The following PLA2G4F variants were observed in gnomAD, a reference collection of about 807,000 sequenced individuals.
PLA2G4F encodes phospholipase A2 group IVF, also known as cytosolic phospholipase A2 zeta.
Under a neutral mutation model 103.1 loss-of-function variants are expected in PLA2G4F, and 105 were observed. The observed-to-expected ratio is 1.02, with a 90% CI of 0.87 to 1.20. The LOEUF (loss-of-function observed/expected upper bound fraction) is 1.20. Ranked by LOEUF, PLA2G4F falls within the 50% of genes most tolerant of loss-of-function variation. The pLI is 0.00. For synonymous variants in PLA2G4F, 468 were observed against 441.1 expected (o/e 1.06, Z -0.76); for missense variants, 1,155 against 1,075.9 (o/e 1.07, Z -1.03).
chr15:42,153,622 C>T lies in PLA2G4F; in HGVS notation c.489G>A (p.Lys163=). The T allele has an allele frequency of 6.2e-7, 1 of 1,614,210 alleles. No homozygotes were observed. Among genetic ancestry groups the T allele is most frequent in the Non-Finnish European group, 8.5e-7 (1 of 1,180,028 alleles). The part of the protein sequence containing the change: ...QELQVEFVLE[K]SQVPASEVIT... ...GCGTTGGCTCTACCAGAACTCACCT[C>T]TTCTCCAGAACAAATTCCACCTGCA... Residue 163 remains lysine (K), a splice_region_variant and synonymous_variant, in exon 5 of 20, where the codon AAG becomes AAA. Transcript: ENST00000397272.
intron 2 of PLA2G4F, among the ~76,000 whole-genome samples, chr15:42,155,193 G>T (rs756174061): frequency 6.6e-6 from 1 of 150,456 alleles, no homozygotes. Context: ...ATACACACTC[G>T]CAGTCACATT....
rs1167069397 is a variant in PLA2G4F, at chr15:42,141,624, T to C, written c.*360A>G. On this transcript the variant is annotated 3_prime_UTR_variant, in exon 20 of 20. Coordinates refer to ENST00000397272, the MANE Select transcript of PLA2G4F (RefSeq NM_213600.4). ...TTCTCAGTGCCCTCAGCCCCTGTTC[T>C]GTGTGGGTCTGAGGACTTGGGCCCT... The C allele has an allele frequency of 2.3e-5, 11 of 479,856 alleles. No individual in the cohort carries two copies. Among genetic ancestry groups the C allele is most frequent in the African/African-American group, 3.9e-5 (2 of 51,030 alleles). 29.7% of individuals were successfully genotyped at this position (479,856 alleles called of 1,614,324 possible). A position where few individuals can be genotyped will look rare whatever the true frequency, so the allele number is the denominator to read the frequency against.
rs1345738142 is a variant in PLA2G4F at position 42,141,166 on chromosome 15, CG to C, written c.*817del. The C allele has an allele frequency of 2.2e-6, 1 of 450,226 alleles. No individual in the cohort carries two copies. The highest frequency in any genetic ancestry group is 4.5e-6 in the Non-Finnish European group (1 of 222,722). 27.9% of individuals were successfully genotyped at this position (450,226 alleles called of 1,614,324 possible). On this transcript the variant is annotated 3_prime_UTR_variant, in exon 20 of 20. Coordinates refer to ENST00000397272, the MANE Select transcript of PLA2G4F (RefSeq NM_213600.4). The stretch of plus-strand genomic sequence containing the variant: ...CACATACAGGTGCACACCTCTCCCC[CG>C]ATGAACTGATGCCCCTACTAGACAC...
intron 10 of PLA2G4F, 89 bp downstream of exon 10, chr15:42,150,014 CT>C: frequency 6.3e-7 from 1 of 1,584,376 alleles, no homozygotes. Context: ...ACGGCCTGAG[CT>C]TCTTGGGCAA....
Position 42,142,643 on chromosome 15 carries a change from C to T in PLA2G4F, c.2214G>A (p.Glu738=), listed in dbSNP as rs771995073. 2.5e-5 allele frequency: 41 copies of T among 1,613,992 alleles called. No homozygotes were observed. The highest frequency in any genetic ancestry group is 3.5e-5 in the Non-Finnish European group (41 of 1,180,010). The change falls in exon 19 of 20, where the codon GAG becomes GAA. Residue 738 remains glutamate (E), a synonymous_variant. Coordinates refer to ENST00000397272, the MANE Select transcript of PLA2G4F (RefSeq NM_213600.4). ...IPFPSIEVGP[E]DMEEARECYL... is the part of the protein sequence containing the mutation. ...AGCACTCACGGGCCTCCTCCATGTCCTCAGGGCCCACCTCGATGCTAGGGA... is the reference window on the plus strand; with the variant it reads ...AGCACTCACGGGCCTCCTCCATGTCTTCAGGGCCCACCTCGATGCTAGGGA...
Position 42,147,362 on chromosome 15 carries a change from G to A in PLA2G4F, c.1197-16C>T, listed in dbSNP as rs763351767. ...GGAGATGCACCTGGGGATTGGAGGT[G>A]TGCCTGAGTCAGGGGCAGGAGAGCA... On this transcript the variant is annotated splice_polypyrimidine_tract_variant and intron_variant, in intron 12 of 19. Coordinates refer to ENST00000397272, the MANE Select transcript of PLA2G4F (RefSeq NM_213600.4). 2 of 1,598,748 alleles carry A rather than the reference G, an allele frequency of 1.3e-6. No homozygotes were observed. Among genetic ancestry groups the A allele is most frequent in the Non-Finnish European group, 1.7e-6 (2 of 1,176,522 alleles).
chr15:42,152,703 G>A lies in PLA2G4F; in HGVS notation c.586C>T (p.Pro196Ser), dbSNP rs1229476184. Residue 196 changes from proline (P) to serine (S), a missense_variant, in exon 7 of 20, where the codon CCA (proline) becomes TCA (serine). By Grantham distance (74) the Pro-to-Ser change is moderately conservative. Coordinates refer to ENST00000397272, the MANE Select transcript of PLA2G4F (RefSeq NM_213600.4). ...GCAGACTCACCGTACTCTTCCCGTG[G>A]GGCTGTCCCATCTCCCCGGAGCGTG... ...QGTLRGDGTA[P>S]REEYGSRQLQ... 4 of 1,557,052 alleles carry A rather than the reference G, an allele frequency of 2.6e-6. No individual in the cohort carries two copies. Among genetic ancestry groups the A allele is most frequent in the Non-Finnish European group, 3.5e-6 (4 of 1,149,708 alleles).
Position 42,153,662 on chromosome 15 carries a change from T to C in PLA2G4F, c.451-2A>G, listed in dbSNP as rs150082965. 6.2e-7 allele frequency: 1 copy of C among 1,614,116 alleles called. No homozygotes were observed. Among genetic ancestry groups the C allele is most frequent in the Non-Finnish European group, 8.5e-7 (1 of 1,179,996 alleles). ...TTCCACCTGCAGCTCTTGTGAATCC[T>C]ACATGGAGGGGGAGGGAGCACCAAT... On this transcript the variant is annotated splice_acceptor_variant, in intron 4 of 19. Coordinates refer to ENST00000397272, the MANE Select transcript of PLA2G4F (RefSeq NM_213600.4). LOFTEE classifies it high-confidence loss of function.
At chr15:42,143,805 G>A (rs967842461) in intron 18 of PLA2G4F, among the ~76,000 whole-genome samples, 173 bp downstream of exon 18, 5 of 152,120 alleles carry the variant, frequency 3.3e-5, no homozygotes, top group African/African-American at 7.2e-5. Context: ...TGCCAACAGC[G>A]TTCAGAAGGC....
At chr15:42,149,876 G>T (rs375572272) in intron 10 of PLA2G4F, 28 bp from the exon 11 acceptor site, 89 of 1,609,620 alleles carry the variant, frequency 5.5e-5, no homozygotes, top group Non-Finnish European at 6.5e-5. Flanking sequence ...GGGTGGCGGT[G>T]GGGGGTTCTG....
chr15:42,156,619 G>T lies in PLA2G4F; in HGVS notation c.-70C>A. On this transcript the variant is annotated 5_prime_UTR_variant, in exon 1 of 20. The change creates a new upstream start codon in the 5' untranslated region. Coordinates refer to ENST00000397272, the MANE Select transcript of PLA2G4F (RefSeq NM_213600.4). ...TCTGGTTGCACAAACTGCTGGCTCA[G>T]GTGTGACAGGCAGCACTGAGTTGGG... 9.0e-7 allele frequency: 1 copy of T among 1,114,048 alleles called. No homozygotes were observed. Among genetic ancestry groups the T allele is most frequent in the Non-Finnish European group, 1.3e-6 (1 of 784,438 alleles). The allele number at this position is 1,114,048 out of a possible 1,614,324, so 69.0% of individuals were successfully genotyped here. A position where few individuals can be genotyped will look rare whatever the true frequency, so the allele number is the denominator to read the frequency against.
intron 16 of PLA2G4F, among the ~76,000 whole-genome samples, chr15:42,144,936 C>T (rs979200955): frequency 2.6e-5 from 4 of 152,226 alleles, no homozygotes; most frequent in Admixed American, 1.3e-4. Flanking sequence ...ATCAGAACTT[C>T]GTCCATTAAA....
At chr15:42,143,850 C>T in intron 18 of PLA2G4F, 128 bp downstream of exon 18, 1 of 1,267,724 alleles carries the variant, frequency 7.9e-7, no homozygotes, top group East Asian at 2.4e-5. Flanking sequence ...CCCAGGCCGT[C>T]CACAAAGGGC....
chr15:42,144,314 G>T, intron 17 of PLA2G4F, 136 bp downstream of exon 17: 1 of 1,392,954 alleles, frequency 7.2e-7, no homozygotes, highest in African/African-American at 1.4e-5. Context: ...GCAGTATTTA[G>T]AGTCGCTCCG....
chr15:42,150,589 A>G lies in PLA2G4F; in HGVS notation c.771+19T>C. The G allele has an allele frequency of 6.3e-7, 1 of 1,598,056 alleles. No homozygotes were observed. On this transcript the variant is annotated intron_variant, in intron 8 of 19. Transcript: ENST00000397272. ...CTGGGCTGAGTTGGATCTACCGACC[A>G]TCCTGGCGGCGCACTCACCTGCACA...
chr15:42,150,616 C>A lies in PLA2G4F; in HGVS notation c.763G>T (p.Ala255Ser). 1 of 1,608,438 alleles carries A rather than the reference C, an allele frequency of 6.2e-7. No individual in the cohort carries two copies. Among genetic ancestry groups the A allele is most frequent in the Admixed American group, 1.7e-5 (1 of 59,442 alleles). Reference sequence around the variant, plus strand: ...CCTGGCGGCGCACTCACCTGCACAGCTGCCAGCAGCTCCATCAGCTCCACG... The same window carrying A: ...CCTGGCGGCGCACTCACCTGCACAGATGCCAGCAGCTCCATCAGCTCCACG... ...LHVELMELLAAVQSGPSAELE... is the reference protein window; with the variant it reads ...LHVELMELLASVQSGPSAELE... Residue 255 changes from alanine (A) to serine (S), a missense_variant, in exon 8 of 20, where the codon GCT becomes TCT. By Grantham distance (99) the Ala-to-Ser change is moderately conservative. Coordinates refer to ENST00000397272, the MANE Select transcript of PLA2G4F (RefSeq NM_213600.4).
rs774978493 is a variant in PLA2G4F, at chr15:42,142,194, TCG to T, written c.2338_2339del (p.Arg780ThrfsTer4). The T allele has an allele frequency of 1.4e-5, 22 of 1,612,040 alleles. No individual in the cohort carries two copies. In the South Asian group the frequency reaches 2.2e-4, roughly 16 times the overall value. On this transcript the variant is annotated frameshift_variant, in exon 20 of 20. Transcript: ENST00000397272. LOFTEE classifies it low-confidence loss of function (END_TRUNC). ...FRTHLAPGVE[R>X]QTAEEKAFGD... ...CAAAGGCCTTCTCCTCAGCTGTTTGTCGCTCCACACCTGTGGGTGGGGGAAGC... is the reference window on the plus strand; with the variant it reads ...CAAAGGCCTTCTCCTCAGCTGTTTGTCTCCACACCTGTGGGTGGGGGAAGC...
rs377698869 is a variant in PLA2G4F at position 42,152,680 on chromosome 15, A to G, written c.601+8T>C. ...GGCAAAAGACCCAAGGCCGCTGAGC[A>G]GACTCACCGTACTCTTCCCGTGGGG... On this transcript the variant is annotated splice_region_variant and intron_variant, in intron 7 of 19. Coordinates refer to ENST00000397272, the MANE Select transcript of PLA2G4F (RefSeq NM_213600.4). The G allele has an allele frequency of 1.2e-4, 181 of 1,554,518 alleles. 3 individuals carry two copies. The South Asian group carries it at 2.1e-3, about 18-fold the overall frequency.
rs778660285 is a variant in PLA2G4F, at chr15:42,154,141, C to A, written c.401G>T (p.Ser134Ile). The A allele has an allele frequency of 1.2e-5, 20 of 1,614,240 alleles. No individual in the cohort carries two copies. Among genetic ancestry groups the A allele is most frequent in the Non-Finnish European group, 1.6e-5 (19 of 1,180,054 alleles). Residue 134 changes from serine (S) to isoleucine (I), a missense_variant, in exon 4 of 20, where the codon AGC becomes ATC. By Grantham distance (142) the Ser-to-Ile change is moderately radical (BLOSUM62 -2). Around this residue, in one of 3 missense-constraint regions of PLA2G4F, gnomAD observed 370 missense variants for 364.9 expected, o/e 1.01. Transcript: ENST00000397272. ...QLSLLLFDLR[S>I]LKCGQPHKHT... is the part of the protein sequence containing the mutation. Reference sequence around the variant, plus strand: ...TTTGTGAGGTTGGCCACACTTGAGGCTTCTCAGGTCAAACAGGAGCAGAGA... The same window carrying A: ...TTTGTGAGGTTGGCCACACTTGAGGATTCTCAGGTCAAACAGGAGCAGAGA...
Sources: gnomAD v4.1 joint callset for allele counts (sites outside exome capture counted in the v4.1 genomes callset) on GRCh38, gnomAD v4.1.1 for gene constraint, gnomAD v4.1.1 regional missense constraint, MANE v1.5 for transcripts, NCBI Gene and HGNC (gene_info 2026-07-23, HGNC 2026-07-21) for gene names.